NDC1: variants seen among roughly 807,000 people sequenced by gnomAD.
The protein encoded by NDC1 is NDC1 transmembrane nucleoporin.
NDC1 carries 24 observed loss-of-function variants against 89.8 expected under a neutral mutation model. The ratio of observed to expected loss-of-function variants is 0.27; its 90% CI spans 0.19 to 0.38. NDC1 has a LOEUF of 0.38. NDC1 is among the 10% of genes least tolerant of loss of function. The pLI, the probability that NDC1 is intolerant of heterozygous loss-of-function variation, is 1.00. For synonymous variants in NDC1, 296 were observed against 284.8 expected (o/e 1.04, Z -0.39); for missense variants, 728 against 797.6 (o/e 0.91, Z 1.05).
intron 14 of NDC1, among the ~76,000 whole-genome samples, chr1:53,792,100 G>A (rs550530285): frequency 3.9e-5 from 6 of 152,008 alleles, no homozygotes; most frequent in South Asian, 4.1e-4. Flanking sequence ...CCACCACTGC[G>A]CCTGGCTAAT....
chr1:53,768,807 C>T (rs891349129), intron 17 of NDC1, among the ~76,000 whole-genome samples: 9 of 152,160 alleles, frequency 5.9e-5, no homozygotes, highest in African/African-American at 2.2e-4. Flanking sequence ...CCATGTACCT[C>T]CAATTGAACC....
chr1:53,772,422 A>T lies in NDC1; in HGVS notation c.1868T>A (p.Val623Glu), dbSNP rs537860765. 4 of 1,613,982 alleles carry T rather than the reference A, an allele frequency of 2.5e-6. No individual in the cohort carries two copies. In the Admixed American group the frequency reaches 6.7e-5, roughly 27 times the overall value. The change falls in exon 17 of 18, where the codon GTG (valine) becomes GAG (glutamate). Residue 623 changes from valine (V) to glutamate (E), a missense_variant. Val to Glu is a moderately radical substitution (Grantham distance 121, BLOSUM62 -2). Transcript: ENST00000371429. ...TCTTAATGTTTTATATGAAGTGTCC[A>T]CAAGGCTTCCTGAAATCCGGGGTGG... Reference protein sequence around the residue: ...SKPPRISGSLVDTSYKTLRFA... With the variant: ...SKPPRISGSLEDTSYKTLRFA...
chr1:53,813,546 T>C (rs1293510049), intron 6 of NDC1, among the ~76,000 whole-genome samples: 1 of 152,208 alleles, frequency 6.6e-6, no homozygotes, highest in African/African-American at 2.4e-5. Flanking sequence ...GGACATTATA[T>C]AATGTTAAAA....
Position 53,787,769 on chromosome 1 carries a change from T to TATAATG in NDC1, c.1700-512_1700-511insCATTAT, listed in dbSNP as rs1647352189. Among the ~76,000 whole-genome samples, 3 of 150,986 alleles carry TATAATG rather than the reference T, an allele frequency of 2.0e-5. No homozygotes were observed. The South Asian group carries it at 6.2e-4, about 31-fold the overall frequency. ...CACTGAAAAAAGTACTCAATTGCAT[T>TATAATG]AGTAATGAATAAAATAACAGTCTCT... is the stretch of plus-strand genomic sequence containing the variant. On this transcript the variant is annotated intron_variant, in intron 15 of 17. Transcript: ENST00000371429.
chr1:53,796,632 T>C (rs944966940), intron 13 of NDC1, 57 bp downstream of exon 13: 38 of 1,035,870 alleles, frequency 3.7e-5, no homozygotes, highest in Non-Finnish European at 2.0e-5. Context: ...TCATGTGAGA[T>C]CCTTAATGTT....
In NDC1 at chr1:53,798,477, T is replaced by A. The variant is rs181540318; in HGVS notation, c.1223-1333A>T. ...CCACCTCGCCCAGCTGGATTCCATC[T>A]TCTTAATAAAACCACCATAAGAAAT... is the stretch of plus-strand genomic sequence containing the variant. On this transcript the variant is annotated intron_variant, in intron 11 of 17. Transcript: ENST00000371429. Among the ~76,000 whole-genome samples the A allele has an allele frequency of 1.6e-3, 236 of 151,580 alleles. 1 individual carries two copies. Among genetic ancestry groups the A allele is most frequent in the African/African-American group, 5.5e-3 (226 of 41,436 alleles).
intron 11 of NDC1, among the ~76,000 whole-genome samples, 196 bp from the exon 12 acceptor site, chr1:53,797,340 C>T (rs1229067062): frequency 1.3e-5 from 2 of 152,110 alleles, no homozygotes; most frequent in Non-Finnish European, 2.9e-5. Context: ...GAGCTTTATA[C>T]ATCTTCTTCT....
rs74978378 is a variant in NDC1, at chr1:53,796,844, T to G, written c.1469-40A>C. 7,853 of 1,603,226 alleles carry G rather than the reference T, an allele frequency of 4.9e-3. 67 individuals are homozygous for G. The highest frequency in any genetic ancestry group is 0.031 in the African/African-American group (2,267 of 74,226). On this transcript the variant is annotated intron_variant, in intron 12 of 17. Transcript: ENST00000371429. ...GAAAAGGCAAGATAAGAACTTAGGC[T>G]GTCTGATCCTCTGCAACATGACATT...
intron 2 of NDC1, among the ~76,000 whole-genome samples, chr1:53,835,172 G>C (rs1327243697): frequency 6.6e-6 from 1 of 152,190 alleles, no homozygotes; most frequent in Non-Finnish European, 1.5e-5. Context: ...ATCGATGACA[G>C]GAACCATTCT....
At chr1:53,799,848 G>A (rs1647845877) in intron 11 of NDC1, among the ~76,000 whole-genome samples, 1 of 152,126 alleles carries the variant, frequency 6.6e-6, no homozygotes, top group Non-Finnish European at 1.5e-5. Context: ...TCTACCTAAG[G>A]GATTTGGTGA....
intron 14 of NDC1, among the ~76,000 whole-genome samples, chr1:53,791,203 C>T (rs913404011): frequency 5.3e-5 from 8 of 152,058 alleles, no homozygotes; most frequent in African/African-American, 9.7e-5. Flanking sequence ...GTGGCTCACG[C>T]GGTCAGGAGA....
Position 53,832,516 on chromosome 1 carries a change from C to T in NDC1, c.254G>A (p.Ser85Asn). 1 of 1,587,552 alleles carries T rather than the reference C, an allele frequency of 6.3e-7. No homozygotes were observed. Among genetic ancestry groups the T allele is most frequent in the Non-Finnish European group, 8.6e-7 (1 of 1,156,344 alleles). ...LLLSVVIIII[S>N]IFNVEFYAVV... ...TGCATAGAACTCCACATTGAAAATA[C>T]TTATTATTATTATTACCACTGACAG... Residue 85 changes from serine to asparagine, a missense_variant, in exon 3 of 18, where the codon AGT (serine) becomes AAT (asparagine). Ser to Asn is a conservative substitution (Grantham distance 46). Coordinates refer to ENST00000371429, the MANE Select transcript of NDC1 (RefSeq NM_018087.5).
intron 6 of NDC1, among the ~76,000 whole-genome samples, chr1:53,817,949 T>C (rs1453642831): frequency 2.0e-5 from 3 of 152,222 alleles, no homozygotes; most frequent in Non-Finnish European, 2.9e-5. Context: ...TTGTGCTTAA[T>C]ATTCATGTTA....
chr1:53,835,632 AAG>A lies in NDC1; in HGVS notation c.58-14_58-13del, dbSNP rs773969457. The A allele has an allele frequency of 6.3e-7, 1 of 1,597,098 alleles. No individual in the cohort carries two copies. Among genetic ancestry groups the A allele is most frequent in the East Asian group, 2.2e-5 (1 of 44,752 alleles). On this transcript the variant is annotated splice_polypyrimidine_tract_variant and intron_variant, in intron 1 of 17. Transcript: ENST00000371429. ...CTCCAGCCCAAAACCTATAAACAAAAAGAAAAACCCTCACTCATGAAGTCAGT... is the reference window on the plus strand; with the variant it reads ...CTCCAGCCCAAAACCTATAAACAAAAAAAAACCCTCACTCATGAAGTCAGT...
chr1:53,826,270 CA>C (rs1158558637), intron 4 of NDC1, among the ~76,000 whole-genome samples: 1 of 152,174 alleles, frequency 6.6e-6, no homozygotes, highest in East Asian at 1.9e-4. Flanking sequence ...ATAGAGATGC[CA>C]TAACATTGGG....
chr1:53,780,465 C>G (rs749938446), intron 16 of NDC1, among the ~76,000 whole-genome samples: 2 of 152,158 alleles, frequency 1.3e-5, no homozygotes, highest in African/African-American at 2.4e-5. Flanking sequence ...TGTAAGCTCC[C>G]GGAGGGCAGG....
At chr1:53,798,172 T>TTATTAC (rs1227753151) in intron 11 of NDC1, among the ~76,000 whole-genome samples, 5 of 146,782 alleles carry the variant, frequency 3.4e-5, no homozygotes, top group Admixed American at 6.8e-5. Context: ...ATTATTATTA[T>TTATTAC]TATTATTATT....
intron 16 of NDC1, among the ~76,000 whole-genome samples, chr1:53,785,032 C>T (rs967408575): frequency 6.6e-6 from 1 of 151,958 alleles, no homozygotes; most frequent in Non-Finnish European, 1.5e-5. Context: ...TAATGCCCTG[C>T]AATCAGACTG....
At chr1:53,797,918 C>A (rs1434585762) in intron 11 of NDC1, among the ~76,000 whole-genome samples, 1 of 152,102 alleles carries the variant, frequency 6.6e-6, no homozygotes, top group Non-Finnish European at 1.5e-5. Flanking sequence ...TGAGCCACCA[C>A]ACCTGGCCTG....
Sources: gnomAD v4.1 joint callset for allele counts (sites outside exome capture counted in the v4.1 genomes callset) on GRCh38, gnomAD v4.1.1 for gene constraint, MANE v1.5 for transcripts, NCBI Gene and HGNC (gene_info 2026-07-23, HGNC 2026-07-21) for gene names.